ARHGEF28: variants seen among roughly 807,000 people sequenced by gnomAD.
ARHGEF28 encodes the protein Rho guanine nucleotide exchange factor 28, also known as 190 kDa guanine nucleotide exchange factor.
Under a neutral mutation model 206.6 loss-of-function variants are expected in ARHGEF28, and 152 were observed. The observed-to-expected ratio is 0.74, with a 90% CI of 0.64 to 0.84. ARHGEF28 has a LOEUF of 0.84. Among genes scored for constraint, ARHGEF28 ranks in the 40% least tolerant of loss-of-function variants. ARHGEF28 has a pLI of 0.00. For synonymous variants in ARHGEF28, 763 were observed against 776.4 expected, an observed-to-expected ratio of 0.98 and a Z score of 0.29; for missense variants, 2,028 against 2,073.2, an observed-to-expected ratio of 0.98 and a Z score of 0.42.
At chr5:73,939,399 G>T (rs550673293) in intron 35 of ARHGEF28, among the ~76,000 whole-genome samples, 1 of 152,340 alleles carries the variant, frequency 6.6e-6, no homozygotes, top group South Asian at 2.1e-4. Flanking sequence ...GTAGAATCAA[G>T]CTTTGTGCCT....
At chr5:73,867,574 T>C (rs1270501782) in intron 18 of ARHGEF28, among the ~76,000 whole-genome samples, 2 of 152,336 alleles carry the variant, frequency 1.3e-5, no homozygotes, top group African/African-American at 4.8e-5. Flanking sequence ...CAGTGATTTA[T>C]GGGAAACCTG....
intron 1 of ARHGEF28, among the ~76,000 whole-genome samples, chr5:73,640,862 A>G (rs1404985311): frequency 6.6e-6 from 1 of 152,234 alleles, no homozygotes; most frequent in African/African-American, 2.4e-5. Context: ...TTTAGGACAT[A>G]GATTTACTAT....
Position 73,887,653 on chromosome 5 carries a change from G to T in ARHGEF28, c.3361G>T (p.Asp1121Tyr). The T allele has an allele frequency of 6.4e-7, 1 of 1,573,996 alleles. No homozygotes were observed. Among genetic ancestry groups the T allele is most frequent in the Non-Finnish European group, 8.6e-7 (1 of 1,158,100 alleles). The change falls in exon 26 of 36, where the codon GAC becomes TAC. Residue 1121 changes from aspartate to tyrosine, a missense_variant. Physicochemically the swap from Asp to Tyr is radical, Grantham distance 160. Coordinates refer to ENST00000513042, the MANE Select transcript of ARHGEF28 (RefSeq NM_001177693.2). ...TDVLLFLQEKDQKYIFAAVDQ... is the reference protein window; with the variant it reads ...TDVLLFLQEKYQKYIFAAVDQ... ...TGTGCTGCTCTTTTTACAAGAAAAA[G>T]ACCAGAAATACATCTTTGCAGCCGT...
chr5:73,684,213 C>A (rs902366822), intron 1 of ARHGEF28, among the ~76,000 whole-genome samples: 3 of 152,172 alleles, frequency 2.0e-5, no homozygotes, highest in Non-Finnish European at 2.9e-5. Context: ...ACTCTATGGC[C>A]ATTAAATAAT....
At chr5:73,799,976 A>C (rs941417115) in intron 9 of ARHGEF28, among the ~76,000 whole-genome samples, 1 of 152,196 alleles carries the variant, frequency 6.6e-6, no homozygotes, top group Non-Finnish European at 1.5e-5. Flanking sequence ...GATATTAAGC[A>C]TAGTATCTTG....
chr5:73,696,857 T>A (rs1748247737), intron 2 of ARHGEF28, among the ~76,000 whole-genome samples: 1 of 152,218 alleles, frequency 6.6e-6, no homozygotes, highest in East Asian at 1.9e-4. Context: ...TTAATTTTGT[T>A]GTTTGCTTAT....
At chr5:73,905,984 T>A (rs1036552852) in intron 33 of ARHGEF28, among the ~76,000 whole-genome samples, 1 of 152,234 alleles carries the variant, frequency 6.6e-6, no homozygotes, top group Non-Finnish European at 1.5e-5. Flanking sequence ...ATGCTTCATA[T>A]CTTGTTGAAT....
chr5:73,865,363 G>T (rs533518578), intron 17 of ARHGEF28, among the ~76,000 whole-genome samples: 1 of 152,296 alleles, frequency 6.6e-6, no homozygotes, highest in South Asian at 2.1e-4. Flanking sequence ...TGGACTAGAA[G>T]AATGTTCTCT....
chr5:73,860,904 C>T (rs1759357513), intron 16 of ARHGEF28, among the ~76,000 whole-genome samples: 1 of 152,158 alleles, frequency 6.6e-6, no homozygotes, highest in Non-Finnish European at 1.5e-5. Context: ...GTTGCCCTTT[C>T]CTCCCACTGC....
chr5:73,853,792 CTTGGTCATCATT>C (rs1758849394), intron 14 of ARHGEF28, among the ~76,000 whole-genome samples: 1 of 152,062 alleles, frequency 6.6e-6, no homozygotes, highest in Non-Finnish European at 1.5e-5. Context: ...TGATCTTCAT[CTTGGTCATCATT>C]TTGATTAACA....
chr5:73,802,561 T>C (rs775387582), intron 9 of ARHGEF28, among the ~76,000 whole-genome samples: 15 of 152,208 alleles, frequency 9.9e-5, no homozygotes, highest in Non-Finnish European at 1.5e-4. Context: ...GCAGATTTCA[T>C]GTATTCCATT....
chr5:73,742,363 A>G (rs912003275), intron 2 of ARHGEF28, among the ~76,000 whole-genome samples: 66 of 151,956 alleles, frequency 4.3e-4, no homozygotes, highest in African/African-American at 1.5e-3. Context: ...TCTGTTTGGC[A>G]TGCATGTTTT....
chr5:73,872,969 T>G (rs1269056090), intron 21 of ARHGEF28, 30 bp from the exon 22 acceptor site: 2 of 1,605,370 alleles, frequency 1.2e-6, no homozygotes, highest in Non-Finnish European at 1.7e-6. Context: ...TAAAGCTTGT[T>G]TAAGGCTTAT....
chr5:73,934,674 G>A (rs189540033), intron 35 of ARHGEF28, among the ~76,000 whole-genome samples: 40 of 152,174 alleles, frequency 2.6e-4, no homozygotes, highest in African/African-American at 8.2e-4. Flanking sequence ...CAACGCTGTC[G>A]GGTACACTGT....
At chr5:73,855,469 C>A (rs1450167429) in intron 14 of ARHGEF28, among the ~76,000 whole-genome samples, 1 of 152,148 alleles carries the variant, frequency 6.6e-6, no homozygotes, top group Non-Finnish European at 1.5e-5. Flanking sequence ...TGGTGGCTCA[C>A]GTTTTTAATC....
chr5:73,808,453 G>T (rs1254267095), intron 9 of ARHGEF28, among the ~76,000 whole-genome samples: 1 of 152,110 alleles, frequency 6.6e-6, no homozygotes, highest in East Asian at 1.9e-4. Context: ...GTACAACATA[G>T]CCTCCCTGTG....
chr5:73,723,270 C>G (rs534246194), intron 2 of ARHGEF28, among the ~76,000 whole-genome samples: 1 of 152,138 alleles, frequency 6.6e-6, no homozygotes, highest in Non-Finnish European at 1.5e-5. Context: ...CTCGCTGCAA[C>G]CTCTGCCTCC....
intron 16 of ARHGEF28, among the ~76,000 whole-genome samples, chr5:73,860,895 T>G (rs1759356597): frequency 6.6e-6 from 1 of 152,180 alleles, no homozygotes; most frequent in South Asian, 2.1e-4. Flanking sequence ...ACCAGTTCCG[T>G]TGCCCTTTCC....
chr5:73,789,177 A>G (rs191854552), intron 7 of ARHGEF28, among the ~76,000 whole-genome samples: 154 of 152,342 alleles, frequency 1.0e-3, no homozygotes, highest in Middle Eastern at 3.4e-3. Context: ...CTATCTATCT[A>G]TCTACCTATC....
Sources: gnomAD v4.1 joint callset for allele counts (sites outside exome capture counted in the v4.1 genomes callset) on GRCh38, gnomAD v4.1.1 for gene constraint, MANE v1.5 for transcripts, NCBI Gene and HGNC (gene_info 2026-07-23, HGNC 2026-07-21) for gene names.